IL1RAPL1: variants seen among roughly 807,000 people sequenced by gnomAD.
The protein encoded by IL1RAPL1 is interleukin-1 receptor accessory protein-like 1.
In IL1RAPL1, 3 loss-of-function variants were observed where a neutral mutation model predicts 48.4. That is an observed-to-expected ratio of 0.06 (90% CI 0.03 to 0.16). The LOEUF is 0.16. Ranked by LOEUF, IL1RAPL1 falls within the 10% of genes least tolerant of loss-of-function variation. IL1RAPL1 has a pLI of 1.00. For synonymous variants in IL1RAPL1, 185 were observed against 187.7 expected, an observed-to-expected ratio of 0.99 and a Z score of 0.12; for missense variants, 349 against 530.6, an observed-to-expected ratio of 0.66 and a Z score of 3.36.
chrX:28,931,746 A>T (rs912993123), intron 2 of IL1RAPL1, among the ~76,000 whole-genome samples: 1 of 111,886 alleles, frequency 8.9e-6, no homozygotes, highest in Non-Finnish European at 1.9e-5. Context: ...TCTGTGCTAT[A>T]TTTAAAATAG....
At chrX:28,970,088 C>T (rs1169562028) in intron 2 of IL1RAPL1, among the ~76,000 whole-genome samples, 1 of 111,523 alleles carries the variant, frequency 9.0e-6, no homozygotes, top group African/African-American at 3.3e-5. Context: ...GCAACCTCCA[C>T]CTCCCGGGTT....
chrX:29,456,460 A>G (rs1934739735), intron 5 of IL1RAPL1, among the ~76,000 whole-genome samples: 1 of 111,896 alleles, frequency 8.9e-6, no homozygotes, highest in Non-Finnish European at 1.9e-5. Context: ...AACGTTGTTT[A>G]CTTGGAAGTG....
intron 5 of IL1RAPL1, among the ~76,000 whole-genome samples, chrX:29,593,812 A>T (rs773549209): frequency 8.9e-6 from 1 of 112,146 alleles, no homozygotes; most frequent in African/African-American, 3.2e-5. Context: ...GAGATGCCCA[A>T]TGTATTCGCT....
At chrX:29,773,990 C>T (rs1043126585) in intron 6 of IL1RAPL1, among the ~76,000 whole-genome samples, 4 of 111,118 alleles carry the variant, frequency 3.6e-5, no homozygotes, top group African/African-American at 1.3e-4. Flanking sequence ...TCACACAACA[C>T]ATACAAATAT....
At chrX:29,349,565 G>T (rs758216849) in intron 3 of IL1RAPL1, among the ~76,000 whole-genome samples, 5 of 111,298 alleles carry the variant, frequency 4.5e-5, no homozygotes, top group African/African-American at 1.6e-4. Flanking sequence ...TTCATTTTGG[G>T]GCATTGTTTT....
At chrX:28,770,292 G>C (rs1295739628) in intron 1 of IL1RAPL1, among the ~76,000 whole-genome samples, 2 of 110,945 alleles carry the variant, frequency 1.8e-5, no homozygotes, top group Non-Finnish European at 3.8e-5. Flanking sequence ...AAGAAGAAAG[G>C]ATGTAAAATT....
intron 9 of IL1RAPL1, among the ~76,000 whole-genome samples, chrX:29,942,525 T>TG (rs200574336): frequency 0.016 from 1,744 of 110,293 alleles, 37 homozygotes; most frequent in African/African-American, 0.055. Context: ...TTTTAAAAAA[T>TG]AACAAAAAGG....
At chrX:29,899,805 A>C (rs946025208) in intron 6 of IL1RAPL1, among the ~76,000 whole-genome samples, 3 of 111,041 alleles carry the variant, frequency 2.7e-5, no homozygotes, top group Admixed American at 9.6e-5. Context: ...CAACCTCCCA[A>C]AGCGCTGGGA....
intron 1 of IL1RAPL1, among the ~76,000 whole-genome samples, chrX:28,688,437 T>C (rs762854170): frequency 9.0e-6 from 1 of 111,456 alleles, no homozygotes; most frequent in South Asian, 3.8e-4. Flanking sequence ...GTTGAACTCC[T>C]GGCCTCAAGT....
At chrX:29,287,756 GTCC>G (rs923006668) in intron 3 of IL1RAPL1, among the ~76,000 whole-genome samples, 2 of 111,950 alleles carry the variant, frequency 1.8e-5, no homozygotes, top group Admixed American at 9.5e-5. Context: ...AATTATTTAT[GTCC>G]TCCTCATTGA....
At chrX:29,864,856 A>G (rs1169295554) in intron 6 of IL1RAPL1, among the ~76,000 whole-genome samples, 2 of 112,020 alleles carry the variant, frequency 1.8e-5, no homozygotes, top group African/African-American at 6.5e-5. Context: ...TTGCTGTGAA[A>G]TTTGCTCACA....
At chrX:29,610,835 C>T (rs950464683) in intron 5 of IL1RAPL1, among the ~76,000 whole-genome samples, 2 of 112,155 alleles carry the variant, frequency 1.8e-5, no homozygotes, top group African/African-American at 6.5e-5. Flanking sequence ...GGTTGTGTTA[C>T]AATTAATGCT....
intron 3 of IL1RAPL1, among the ~76,000 whole-genome samples, chrX:29,348,087 A>C (rs1264841087): frequency 8.9e-6 from 1 of 112,719 alleles, no homozygotes; most frequent in East Asian, 2.8e-4. Flanking sequence ...CTAAAACCAC[A>C]GAAAGCAAAA....
intron 5 of IL1RAPL1, among the ~76,000 whole-genome samples, chrX:29,496,351 T>C (rs1244699332): frequency 9.0e-6 from 1 of 111,088 alleles, no homozygotes; most frequent in Admixed American, 9.6e-5. Flanking sequence ...GGGAGGTGTT[T>C]GGATCGTGGA....
At chrX:29,358,074 G>C (rs913252545) in intron 3 of IL1RAPL1, among the ~76,000 whole-genome samples, 8 of 111,577 alleles carry the variant, frequency 7.2e-5, no homozygotes, top group Non-Finnish European at 9.4e-5. Flanking sequence ...GGAGGAGAGG[G>C]TGACTTTTCT....
intron 1 of IL1RAPL1, among the ~76,000 whole-genome samples, chrX:28,603,910 A>T (rs1934055036): frequency 1.8e-5 from 2 of 112,379 alleles, no homozygotes; most frequent in African/African-American, 6.5e-5. Flanking sequence ...CATGCTCTAA[A>T]TTGCCAGGTC....
chrX:29,437,651 A>G (rs1326878161), intron 5 of IL1RAPL1, among the ~76,000 whole-genome samples: 1 of 110,383 alleles, frequency 9.1e-6, no homozygotes, highest in African/African-American at 3.3e-5. Flanking sequence ...GTTACATTTT[A>G]TCAAATTCTT....
At chrX:29,703,172 C>T (rs774307265) in intron 6 of IL1RAPL1, among the ~76,000 whole-genome samples, 11 of 111,184 alleles carry the variant, frequency 9.9e-5, no homozygotes, top group African/African-American at 2.9e-4. Context: ...TTTATATATA[C>T]GCACTGTGTT....
chrX:28,863,142 A>C (rs1921988874), intron 2 of IL1RAPL1, among the ~76,000 whole-genome samples: 2 of 111,317 alleles, frequency 1.8e-5, no homozygotes, highest in Admixed American at 1.9e-4. Context: ...GGCCTCCCAA[A>C]GTGCTGGGAT....
Sources: gnomAD v4.1 joint callset for allele counts (sites outside exome capture counted in the v4.1 genomes callset) on GRCh38, gnomAD v4.1.1 for gene constraint, MANE v1.5 for transcripts, NCBI Gene and HGNC (gene_info 2026-07-23, HGNC 2026-07-21) for gene names.